KIAA0319: variants seen among roughly 807,000 people sequenced by gnomAD.
KIAA0319 encodes the protein KIAA0319.
Under a neutral mutation model 108.4 loss-of-function variants are expected in KIAA0319, and 83 were observed. The observed-to-expected ratio is 0.77, with a 90% CI of 0.64 to 0.92. The LOEUF is 0.92. KIAA0319 is among the 40% of genes least tolerant of loss of function. KIAA0319 has a pLI of 0.00. For synonymous variants in KIAA0319, 484 were observed against 510.4 expected, an observed-to-expected ratio of 0.95 and a Z score of 0.70; for missense variants, 1,195 against 1,322.4, an observed-to-expected ratio of 0.90 and a Z score of 1.49.
intron 14 of KIAA0319, 93 bp downstream of exon 14, chr6:24,566,504 T>C (rs1763915366): frequency 1.8e-6 from 2 of 1,130,684 alleles, no homozygotes; most frequent in Non-Finnish European, 2.4e-6. Context: ...ATCCTTTCCT[T>C]AGAATATACC....
Position 24,581,021 on chromosome 6 carries a change from A to G in KIAA0319, c.1192-8T>C, listed in dbSNP as rs1446186372. 3.8e-6 allele frequency: 6 copies of G among 1,584,686 alleles called. No homozygotes were observed. The highest frequency in any genetic ancestry group is 4.5e-5 in the East Asian group (2 of 44,736). ...ATAAAGTCCGACGGACAACTGTAACATAAAGAAAAGTTGTACAGTTCAACA... is the reference window on the plus strand; with the variant it reads ...ATAAAGTCCGACGGACAACTGTAACGTAAAGAAAAGTTGTACAGTTCAACA... On this transcript the variant is annotated splice_region_variant and splice_polypyrimidine_tract_variant and intron_variant, in intron 6 of 20. Transcript: ENST00000378214.
intron 3 of KIAA0319, among the ~76,000 whole-genome samples, chr6:24,590,978 G>A (rs188596727): frequency 1.2e-4 from 18 of 152,292 alleles, no homozygotes; most frequent in Admixed American, 5.9e-4. Context: ...CCTGGGCCTC[G>A]TCAGCAAAAG....
At chr6:24,588,397 T>C (rs1287117805) in intron 4 of KIAA0319, among the ~76,000 whole-genome samples, 196 bp downstream of exon 4, 1 of 152,224 alleles carries the variant, frequency 6.6e-6, no homozygotes, top group East Asian at 1.9e-4. Flanking sequence ...TCTCCTCTCC[T>C]GGACTATGGA....
chr6:24,621,226 G>A (rs1773885389), intron 1 of KIAA0319, among the ~76,000 whole-genome samples: 1 of 152,194 alleles, frequency 6.6e-6, no homozygotes, highest in African/African-American at 2.4e-5. Context: ...GGTATTTCAG[G>A]TACCTTTGAC....
intron 20 of KIAA0319, among the ~76,000 whole-genome samples, chr6:24,549,814 G>A (rs150973107): frequency 2.0e-5 from 3 of 152,234 alleles, no homozygotes; most frequent in East Asian, 3.9e-4. Flanking sequence ...GAACTGGGGT[G>A]GTGATGGTAA....
At position 24,576,437 on chromosome 6, in the gene KIAA0319, G is replaced by A. The variant is rs746514728; in HGVS notation, c.1665C>T (p.Asp555=). 20 of 1,614,144 alleles carry A rather than the reference G, an allele frequency of 1.2e-5. No homozygotes were observed. Among genetic ancestry groups the A allele is most frequent in the East Asian group, 2.2e-5 (1 of 44,880 alleles). ...SITLNGNQSS[D]DHQIVLYEWS... ...ACTCATAGAGGACAATCTGGTGATC[G>A]TCACTGCTCTGGTTTCCATTCAAAG... is the stretch of plus-strand genomic sequence containing the variant. Residue 555 remains aspartate, a synonymous_variant, in exon 10 of 21, where the codon GAC becomes GAT. Transcript: ENST00000378214.
At chr6:24,585,410 C>T (rs1271974076) in intron 4 of KIAA0319, among the ~76,000 whole-genome samples, 4 of 151,488 alleles carry the variant, frequency 2.6e-5, no homozygotes, top group Middle Eastern at 3.4e-3. Context: ...AAGATCTTTG[C>T]CCTAAAACAG....
chr6:24,624,141 C>T (rs1354088995), intron 1 of KIAA0319, among the ~76,000 whole-genome samples: 1 of 148,238 alleles, frequency 6.7e-6, no homozygotes, highest in African/African-American at 2.5e-5. Context: ...CCTTCCACCT[C>T]AGCCTCCTGA....
chr6:24,580,245 G>C (rs1219284749), intron 7 of KIAA0319, among the ~76,000 whole-genome samples: 1 of 152,120 alleles, frequency 6.6e-6, no homozygotes, highest in African/African-American at 2.4e-5. Context: ...CAGGAGCAAG[G>C]GATGAAGGGA....
chr6:24,599,458 G>T lies in KIAA0319; in HGVS notation c.55+1591C>A. ...CAGTGGGCCATGCAGGACATGGCATGGCAGCTGCATGAGTACCAGGAGCTG... is the reference window on the plus strand; with the variant it reads ...CAGTGGGCCATGCAGGACATGGCATTGCAGCTGCATGAGTACCAGGAGCTG... On this transcript the variant is annotated intron_variant, in intron 2 of 20. Transcript: ENST00000378214. The surrounding 1 kb of genome is among the most constrained non-coding windows in gnomAD (Gnocchi z 4.1). 1 of 554,348 alleles carries T rather than the reference G, an allele frequency of 1.8e-6. No individual in the cohort carries two copies. The highest frequency in any genetic ancestry group is 3.5e-6 in the Non-Finnish European group (1 of 288,668). 34.3% of individuals were successfully genotyped at this position (554,348 alleles called of 1,614,324 possible).
At chr6:24,598,362 G>T in intron 2 of KIAA0319, 1 of 650,748 alleles carries the variant, frequency 1.5e-6, no homozygotes. Context: ...ACAAGGTATG[G>T]TTCCTGGAGC....
intron 20 of KIAA0319, among the ~76,000 whole-genome samples, chr6:24,549,326 C>CAG (rs746226085): frequency 2.6e-5 from 3 of 115,614 alleles, no homozygotes; most frequent in African/African-American, 9.7e-5. Context: ...ACTCTGTCTC[C>CAG]AAAAAAAAAA....
intron 1 of KIAA0319, among the ~76,000 whole-genome samples, chr6:24,627,974 C>T (rs186068498): frequency 0.02 from 2,975 of 152,252 alleles, 57 homozygotes; most frequent in Middle Eastern, 0.051. Context: ...CCAAATACTG[C>T]TTATTCTAGG....
Position 24,564,428 on chromosome 6 carries a change from TC to T in KIAA0319, c.2293-89del, listed in dbSNP as rs1356939202. On this transcript the variant is annotated intron_variant, in intron 14 of 20. Coordinates refer to ENST00000378214, the MANE Select transcript of KIAA0319 (RefSeq NM_014809.4). ...GTTGATCCTAAACCTCAGTGTCCCA[TC>T]TTTTTAACACAGGCGTGACTTTAAG... is the stretch of plus-strand genomic sequence containing the variant. 3.3e-6 allele frequency: 5 copies of T among 1,536,768 alleles called. No homozygotes were observed. In the Admixed American group the frequency reaches 5.1e-5, roughly 16 times the overall value.
intron 20 of KIAA0319, among the ~76,000 whole-genome samples, chr6:24,549,847 TCTAGCA>T (rs1761206824): frequency 6.6e-6 from 1 of 151,692 alleles, no homozygotes; most frequent in African/African-American, 2.4e-5. Flanking sequence ...AGGGCAAGAG[TCTAGCA>T]AGTGCGGGTG....
At chr6:24,553,997 T>G (rs2760172) in intron 19 of KIAA0319, among the ~76,000 whole-genome samples, 1 of 152,094 alleles carries the variant, frequency 6.6e-6, no homozygotes, top group Non-Finnish European at 1.5e-5. Flanking sequence ...AAAGAGGGAA[T>G]TGAGGGACCC....
Position 24,601,042 on chromosome 6 carries a change from TC to T in KIAA0319, c.55+6del, listed in dbSNP as rs772361492. 6.2e-7 allele frequency: 1 copy of T among 1,613,810 alleles called. No individual in the cohort carries two copies. Among genetic ancestry groups the T allele is most frequent in the Non-Finnish European group, 8.5e-7 (1 of 1,179,928 alleles). On this transcript the variant is annotated splice_donor_region_variant and intron_variant, in intron 2 of 20. Coordinates refer to ENST00000378214, the MANE Select transcript of KIAA0319 (RefSeq NM_014809.4). ...ACACGGGTATCTCCAGGGTAGTAGT[TC>T]CCTACCTGCAATTGTCACCAGCAGC...
chr6:24,559,270 G>A lies in KIAA0319; in HGVS notation c.2592-115C>T, dbSNP rs1762763445. On this transcript the variant is annotated intron_variant, in intron 16 of 20. Coordinates refer to ENST00000378214, the MANE Select transcript of KIAA0319 (RefSeq NM_014809.4). Reference sequence around the variant, plus strand: ...GGGAGGTAGACGGCTACAGCTCTGTGGCTTGCCAAGGACAGGGGCGTATCT... The same window carrying A: ...GGGAGGTAGACGGCTACAGCTCTGTAGCTTGCCAAGGACAGGGGCGTATCT... The A allele has an allele frequency of 1.7e-5, 19 of 1,150,874 alleles. 1 individual carries two copies. In the South Asian group the frequency reaches 2.2e-4, roughly 13 times the overall value. The allele number at this position is 1,150,874 out of a possible 1,614,324, so 71.3% of individuals were successfully genotyped here.
rs1777547358 is a variant in KIAA0319 at position 24,645,854 on chromosome 6, C to A, written c.-224G>T. The A allele has an allele frequency of 2.8e-5, 1 of 35,854 alleles. No individual in the cohort carries two copies. Among genetic ancestry groups the A allele is most frequent in the Non-Finnish European group, 5.2e-5 (1 of 19,316 alleles). 2.2% of individuals were successfully genotyped at this position (35,854 alleles called of 1,614,324 possible). ...ATCGCAGGTCTTACACACACACACA[C>A]ACACACACACACACACACACACACA... On this transcript the variant is annotated 5_prime_UTR_variant, in exon 1 of 21. Coordinates refer to ENST00000378214, the MANE Select transcript of KIAA0319 (RefSeq NM_014809.4).
Sources: allele counts gnomAD v4.1 joint callset (sites outside exome capture counted in the v4.1 genomes callset), GRCh38; gene constraint gnomAD v4.1.1; non-coding constraint Gnocchi (gnomAD v3.1); transcripts MANE v1.5; gene names NCBI Gene and HGNC (gene_info 2026-07-23, HGNC 2026-07-21).